The following CRK variants were observed in gnomAD, a reference collection of about 807,000 sequenced individuals.
The protein encoded by CRK is adapter molecule crk.
In CRK, 4 loss-of-function variants were observed where a neutral mutation model predicts 29.8. The observed-to-expected ratio is 0.13, with a 90% CI of 0.07 to 0.31. The LOEUF is 0.31. CRK is among the 10% of genes least tolerant of loss of function. The probability of loss-of-function intolerance (pLI) is 1.00; values close to 1 mark genes in which losing one functional copy is unlikely to be tolerated. For synonymous variants in CRK, 153 were observed against 164.9 expected (o/e 0.93, Z 0.55); for missense variants, 274 against 396.5 (o/e 0.69, Z 2.62).
intron 1 of CRK, among the ~76,000 whole-genome samples, chr17:1,454,948 C>G (rs2074044908): frequency 6.6e-6 from 1 of 152,190 alleles, no homozygotes; most frequent in South Asian, 2.1e-4. Context: ...GGCGTAGAGT[C>G]TGTTCCCAAT....
chr17:1,440,523 T>C (rs2073927048), intron 1 of CRK, among the ~76,000 whole-genome samples: 1 of 152,016 alleles, frequency 6.6e-6, no homozygotes, highest in African/African-American at 2.4e-5. Flanking sequence ...TTTACGTCTG[T>C]AATCCCAGCA....
At chr17:1,438,182 TGCA>T (rs2073903761) in intron 1 of CRK, among the ~76,000 whole-genome samples, 5 of 152,058 alleles carry the variant, frequency 3.3e-5, no homozygotes, top group Non-Finnish European at 7.3e-5. Context: ...CAAGCTGGAG[TGCA>T]GTGGCACAAT....
chr17:1,448,047 C>A (rs1363026722), intron 1 of CRK, among the ~76,000 whole-genome samples: 1 of 152,104 alleles, frequency 6.6e-6, no homozygotes, highest in African/African-American at 2.4e-5. Flanking sequence ...GAGGCTGAGG[C>A]AGGAGAATCG....
chr17:1,439,287 C>A (rs1230895423), intron 1 of CRK, among the ~76,000 whole-genome samples: 1 of 151,962 alleles, frequency 6.6e-6, no homozygotes, highest in African/African-American at 2.4e-5. Flanking sequence ...TTAATAGAGA[C>A]GGGGTTTTAC....
At chr17:1,430,146 G>A (rs1347510027) in intron 2 of CRK, among the ~76,000 whole-genome samples, 2 of 151,476 alleles carry the variant, frequency 1.3e-5, no homozygotes, top group Non-Finnish European at 2.9e-5. Flanking sequence ...CCGGGTTCAA[G>A]TGATTCTCCT....
Position 1,436,872 on chromosome 17 carries a change from G to A in CRK, c.525C>T (p.Ser175=), listed in dbSNP as rs773332314. The change falls in exon 2 of 3, where the codon AGC becomes AGT. Residue 175 remains serine (S), a synonymous_variant. Coordinates refer to ENST00000300574, the MANE Select transcript of CRK (RefSeq NM_016823.4). The part of the protein sequence containing the change: ...PEEQWWNAED[S]EGKRGMIPVP... ...CTGGAATCATCCCTCTCTTGCCTTC[G>A]CTGTCCTCCGCATTCCACCACTGCT... 2.5e-5 allele frequency: 41 copies of A among 1,611,570 alleles called. No individual in the cohort carries two copies. The highest frequency in any genetic ancestry group is 3.3e-5 in the Non-Finnish European group (39 of 1,178,472).
At chr17:1,439,603 C>CCTAA (rs2073918555) in intron 1 of CRK, among the ~76,000 whole-genome samples, 1 of 152,130 alleles carries the variant, frequency 6.6e-6, no homozygotes, top group African/African-American at 2.4e-5. Context: ...AACCCCAGCA[C>CCTAA]TTAGGGAAGC....
At chr17:1,425,246 C>T (rs967255719) in intron 2 of CRK, among the ~76,000 whole-genome samples, 4 of 151,662 alleles carry the variant, frequency 2.6e-5, no homozygotes, top group African/African-American at 7.3e-5. Context: ...CCCGCCACCA[C>T]GCCCAGCTAA....
At chr17:1,443,535 ACAGGCGC>A (rs2073950996) in intron 1 of CRK, among the ~76,000 whole-genome samples, 1 of 151,734 alleles carries the variant, frequency 6.6e-6, no homozygotes. Flanking sequence ...AGCTGGGACT[ACAGGCGC>A]CCGCCACCAC....
intron 1 of CRK, among the ~76,000 whole-genome samples, chr17:1,445,888 T>A (rs1398718187): frequency 6.6e-6 from 1 of 152,186 alleles, no homozygotes; most frequent in Non-Finnish European, 1.5e-5. Flanking sequence ...GTTGTCCTTT[T>A]GGGACAGTGG....
At chr17:1,447,541 A>G (rs952990902) in intron 1 of CRK, among the ~76,000 whole-genome samples, 6 of 151,518 alleles carry the variant, frequency 4.0e-5, no homozygotes, top group African/African-American at 9.7e-5. Context: ...AATAGGCCCA[A>G]TCACTTCTGA....
chr17:1,437,958 G>A (rs980975217), intron 1 of CRK, among the ~76,000 whole-genome samples: 7 of 151,754 alleles, frequency 4.6e-5, no homozygotes, highest in African/African-American at 1.5e-4. Context: ...GAGCTACTGC[G>A]CCTGGCCTGC....
At chr17:1,447,607 CT>C (rs34998406) in intron 1 of CRK, among the ~76,000 whole-genome samples, 25,651 of 117,404 alleles carry the variant, frequency 0.22, 1,959 homozygotes, top group African/African-American at 0.36. Context: ...TTCTCTTTTC[CT>C]TTTTTTTTTT....
rs116996447 is a variant in CRK, at chr17:1,449,513, G to C, written c.241+6364C>G. Among the ~76,000 whole-genome samples, 291 of 152,202 alleles carry C rather than the reference G, an allele frequency of 1.9e-3. 1 individual carries two copies. Among genetic ancestry groups the C allele is most frequent in the Non-Finnish European group, 3.0e-3 (206 of 68,026 alleles). On this transcript the variant is annotated intron_variant, in intron 1 of 2. Transcript: ENST00000300574. Reference sequence around the variant, plus strand: ...ATTACTATTTCCCTCCTTCACAGATGAGGAAACTGAAGCAGGGAAAAGTTA... The same window carrying C: ...ATTACTATTTCCCTCCTTCACAGATCAGGAAACTGAAGCAGGGAAAAGTTA...
At chr17:1,446,527 G>A (rs1323550973) in intron 1 of CRK, among the ~76,000 whole-genome samples, 4 of 151,730 alleles carry the variant, frequency 2.6e-5, no homozygotes, top group Admixed American at 6.6e-5. Context: ...CGCAAAGGTA[G>A]GAAGCAGGTT....
intron 2 of CRK, among the ~76,000 whole-genome samples, chr17:1,430,450 G>A (rs924703339): frequency 4.6e-5 from 7 of 151,354 alleles, no homozygotes; most frequent in African/African-American, 9.7e-5. Flanking sequence ...TCCGCCTCCC[G>A]GGTTCACGCC....
intron 1 of CRK, among the ~76,000 whole-genome samples, chr17:1,442,555 TATTA>T (rs1222314962): frequency 5.9e-5 from 9 of 151,956 alleles, no homozygotes; most frequent in Non-Finnish European, 1.2e-4. Context: ...ATCCAGCCAT[TATTA>T]ATTTTAATTA....
intron 2 of CRK, among the ~76,000 whole-genome samples, chr17:1,426,750 C>A (rs2073782453): frequency 6.6e-6 from 1 of 152,056 alleles, no homozygotes; most frequent in Non-Finnish European, 1.5e-5. Flanking sequence ...GTAATCCCAG[C>A]TACTTGCGAG....
At chr17:1,430,651 C>T (rs1049497788) in intron 2 of CRK, among the ~76,000 whole-genome samples, 4 of 150,772 alleles carry the variant, frequency 2.7e-5, no homozygotes, top group Non-Finnish European at 5.9e-5. Context: ...AGGCGTGAGC[C>T]ACCACACCCA....
Sources: gnomAD v4.1 joint callset for allele counts (sites outside exome capture counted in the v4.1 genomes callset) on GRCh38, gnomAD v4.1.1 for gene constraint, MANE v1.5 for transcripts, NCBI Gene and HGNC (gene_info 2026-07-23, HGNC 2026-07-21) for gene names.